Variants in OIP5 observed in about 807,000 individuals in gnomAD.
OIP5 encodes Opa interacting protein 5.
In OIP5, 24 loss-of-function variants were observed where a neutral mutation model predicts 20.3. The ratio of observed to expected loss-of-function variants is 1.18; its 90% CI spans 0.86 to 1.66. OIP5 has a LOEUF of 1.66. Among genes scored for constraint, OIP5 ranks in the 40% most tolerant of loss-of-function variants. The probability of loss-of-function intolerance (pLI) is 0.00; values close to 1 mark genes in which losing one functional copy is unlikely to be tolerated. For synonymous variants in OIP5, 143 were observed against 121.3 expected (o/e 1.18, Z -1.17); for missense variants, 339 against 289.5 (o/e 1.17, Z -1.24).
chr15:41,326,676 T>A (rs1446328684), intron 2 of OIP5, among the ~76,000 whole-genome samples: 1 of 152,200 alleles, frequency 6.6e-6, no homozygotes, highest in Non-Finnish European at 1.5e-5. Context: ...TCTGCACACC[T>A]AGGCCTTCCA....
At chr15:41,317,740 A>G (rs1435898462) in intron 3 of OIP5, among the ~76,000 whole-genome samples, 1 of 152,054 alleles carries the variant, frequency 6.6e-6, no homozygotes, top group Non-Finnish European at 1.5e-5. Context: ...ATACAGTGAC[A>G]CAATCATAGC....
intron 2 of OIP5, among the ~76,000 whole-genome samples, chr15:41,320,164 G>C (rs1460757196): frequency 1.3e-5 from 2 of 152,116 alleles, no homozygotes; most frequent in Non-Finnish European, 2.9e-5. Context: ...TAATCAAGTT[G>C]ACTGGGGCCT....
Position 41,332,365 on chromosome 15 carries a change from A to C in OIP5, c.197T>G (p.Leu66Arg), listed in dbSNP as rs776086649. 1 of 1,612,792 alleles carries C rather than the reference A, an allele frequency of 6.2e-7. No individual in the cohort carries two copies. The highest frequency in any genetic ancestry group is 2.2e-5 in the East Asian group (1 of 44,852). The change falls in exon 1 of 5, where the codon CTG becomes CGG. Residue 66 changes from leucine (L) to arginine (R), a missense_variant. Coordinates refer to ENST00000220514, the MANE Select transcript of OIP5 (RefSeq NM_007280.2). The stretch of plus-strand genomic sequence containing the variant: ...CCTCTCAGGCTGCAGCCAAGACGGC[A>C]GCTGCGGGCCGGCGGCTGGCTCCTC... ...GAEEPAAGPQ[L>R]PSWLQPERCA...
chr15:41,323,914 A>G (rs567856655), intron 2 of OIP5, among the ~76,000 whole-genome samples: 1 of 149,574 alleles, frequency 6.7e-6, no homozygotes, highest in Non-Finnish European at 1.5e-5. Context: ...CTGCATCAGT[A>G]CTTGCTGTTT....
intron 2 of OIP5, among the ~76,000 whole-genome samples, chr15:41,327,713 G>A (rs1018852950): frequency 2.0e-5 from 3 of 152,000 alleles, no homozygotes; most frequent in African/African-American, 7.2e-5. Flanking sequence ...ACTTGAACCC[G>A]GGAGGCGGAG....
chr15:41,317,792 C>T (rs2047797222), intron 3 of OIP5, among the ~76,000 whole-genome samples: 1 of 152,162 alleles, frequency 6.6e-6, no homozygotes, highest in African/African-American at 2.4e-5. Flanking sequence ...TATCCTCCCA[C>T]CTTAGCCTCC....
At chr15:41,323,360 T>C (rs1195276775) in intron 2 of OIP5, among the ~76,000 whole-genome samples, 1 of 152,176 alleles carries the variant, frequency 6.6e-6, no homozygotes, top group Non-Finnish European at 1.5e-5. Context: ...AGAAGGTTTT[T>C]GATTTACTTT....
intron 2 of OIP5, among the ~76,000 whole-genome samples, chr15:41,324,816 T>C (rs905691798): frequency 3.3e-5 from 5 of 152,212 alleles, no homozygotes; most frequent in Admixed American, 6.5e-5. Flanking sequence ...TATTCACAAT[T>C]TGGCATGACT....
chr15:41,322,574 G>C (rs996181746), intron 2 of OIP5, among the ~76,000 whole-genome samples: 12 of 150,560 alleles, frequency 8.0e-5, no homozygotes, highest in African/African-American at 2.9e-4. Flanking sequence ...TTTTTTTTTT[G>C]GCAGAAATGG....
chr15:41,315,900 T>C, intron 3 of OIP5, among the ~76,000 whole-genome samples: 1 of 151,934 alleles, frequency 6.6e-6, no homozygotes, highest in East Asian at 1.9e-4. Flanking sequence ...ATCCCAGCAC[T>C]TTAGGTGGCC....
chr15:41,310,182 T>G (rs2047745741), intron 4 of OIP5, among the ~76,000 whole-genome samples: 1 of 152,218 alleles, frequency 6.6e-6, no homozygotes, highest in South Asian at 2.1e-4. Context: ...CATTTTAAGC[T>G]TAACTGTCAA....
chr15:41,323,678 C>T (rs1294628213), intron 2 of OIP5, among the ~76,000 whole-genome samples: 2 of 151,252 alleles, frequency 1.3e-5, no homozygotes, highest in African/African-American at 4.8e-5. Context: ...GCTATGTTGC[C>T]CAGGCTGGTC....
chr15:41,316,717 G>T (rs184379340), intron 3 of OIP5, among the ~76,000 whole-genome samples: 2 of 150,968 alleles, frequency 1.3e-5, no homozygotes, highest in East Asian at 2.0e-4. Context: ...GTGAACCCAG[G>T]GGGTGAAGCT....
intron 4 of OIP5, among the ~76,000 whole-genome samples, chr15:41,311,236 C>A (rs992143844): frequency 6.6e-6 from 1 of 152,134 alleles, no homozygotes; most frequent in Non-Finnish European, 1.5e-5. Context: ...CAAAAATTAT[C>A]TGGGCACGGT....
intron 2 of OIP5, among the ~76,000 whole-genome samples, chr15:41,330,683 G>A (rs954468677): frequency 6.6e-6 from 1 of 151,886 alleles, no homozygotes; most frequent in African/African-American, 2.4e-5. Flanking sequence ...GATTACAGGT[G>A]TGAGCCACCA....
At chr15:41,311,093 A>C (rs2047750958) in intron 4 of OIP5, among the ~76,000 whole-genome samples, 1 of 152,072 alleles carries the variant, frequency 6.6e-6, no homozygotes, top group Non-Finnish European at 1.5e-5. Context: ...AAGCACTTGA[A>C]CCTGGCACTC....
intron 2 of OIP5, among the ~76,000 whole-genome samples, chr15:41,328,855 C>T (rs887264562): frequency 7.9e-5 from 12 of 151,828 alleles, no homozygotes; most frequent in Non-Finnish European, 1.0e-4. Flanking sequence ...GTCAGAAGTT[C>T]GAGACCAGCA....
At position 41,319,177 on chromosome 15, in the gene OIP5, A is replaced by C. The variant is rs533896125; in HGVS notation, c.512+481T>G. Among the ~76,000 whole-genome samples the C allele has an allele frequency of 2.0e-5, 3 of 151,332 alleles. No homozygotes were observed. In the East Asian group the frequency reaches 5.8e-4, roughly 29 times the overall value. ...AACCTCCACCTCTCAGGTTGAAGCA[A>C]TTCTCTTGCCGCAGCCTCCCAAGTA... On this transcript the variant is annotated intron_variant, in intron 3 of 4. Transcript: ENST00000220514.
At chr15:41,322,396 AG>A (rs2047835650) in intron 2 of OIP5, among the ~76,000 whole-genome samples, 1 of 152,136 alleles carries the variant, frequency 6.6e-6, no homozygotes, top group African/African-American at 2.4e-5. Context: ...TATAGTATGA[AG>A]TTTTTTTTGG....
Sources: gnomAD v4.1 joint callset for allele counts (sites outside exome capture counted in the v4.1 genomes callset) on GRCh38, gnomAD v4.1.1 for gene constraint, MANE v1.5 for transcripts, NCBI Gene and HGNC (gene_info 2026-07-23, HGNC 2026-07-21) for gene names.